LRRD1: variants seen among roughly 807,000 people sequenced by gnomAD.
LRRD1 encodes leucine rich repeats and death domain containing 1.
LRRD1 carries 49 observed loss-of-function variants against 69.5 expected under a neutral mutation model. The observed-to-expected ratio is 0.70, with a 90% CI of 0.56 to 0.89. LRRD1 has a LOEUF of 0.89. LRRD1 is among the 40% of genes least tolerant of loss of function. LRRD1 has a pLI of 0.00. For missense variants in LRRD1, 853 were observed against 956.0 expected (o/e 0.89, Z 1.42); for synonymous variants, 303 against 338.9 (o/e 0.89, Z 1.16).
chr7:92,177,328 T>C (rs916503896), intron 1 of LRRD1, among the ~76,000 whole-genome samples: 8 of 152,164 alleles, frequency 5.3e-5, no homozygotes, highest in African/African-American at 1.9e-4. Context: ...TGTTGAAGCA[T>C]TTTACATATT....
intron 5 of LRRD1, among the ~76,000 whole-genome samples, chr7:92,145,413 G>T (rs907977982): frequency 4.2e-5 from 6 of 144,418 alleles, no homozygotes; most frequent in Non-Finnish European, 7.6e-5. Flanking sequence ...TAATAAACCA[G>T]TATATTACTG....
chr7:92,145,433 TA>T (rs1820294678), intron 5 of LRRD1, among the ~76,000 whole-genome samples: 1 of 150,864 alleles, frequency 6.6e-6, no homozygotes, highest in Non-Finnish European at 1.5e-5. Flanking sequence ...GCTACTATAC[TA>T]TATGCTTTTT....
At chr7:92,169,996 G>C (rs1789013406) in intron 1 of LRRD1, among the ~76,000 whole-genome samples, 1 of 151,920 alleles carries the variant, frequency 6.6e-6, no homozygotes, top group African/African-American at 2.4e-5. Context: ...CTTGAGCCCA[G>C]GAGGTTGAGG....
At chr7:92,171,331 A>C (rs1246745773) in intron 1 of LRRD1, among the ~76,000 whole-genome samples, 1 of 152,108 alleles carries the variant, frequency 6.6e-6, no homozygotes, top group Non-Finnish European at 1.5e-5. Flanking sequence ...AATCAGAATC[A>C]AATAAGGAGA....
At chr7:92,163,175 T>C in intron 2 of LRRD1, 111 bp downstream of exon 2, 3 of 643,858 alleles carry the variant, frequency 4.7e-6, no homozygotes, top group Non-Finnish European at 6.9e-6. Context: ...AAACAAAATA[T>C]TTCAGCTCAA....
At chr7:92,145,474 C>T (rs1284753453) in intron 5 of LRRD1, among the ~76,000 whole-genome samples, 2 of 135,658 alleles carry the variant, frequency 1.5e-5, no homozygotes, top group South Asian at 2.4e-4. Flanking sequence ...CAGAGTCTTG[C>T]TGTCTCCCAG....
chr7:92,142,898 T>C, downstream of LRRD1: 1 of 343,980 alleles, frequency 2.9e-6, no homozygotes, highest in Non-Finnish European at 5.7e-6. Context: ...CAAGATTTAT[T>C]GCAAAGAGCG....
At chr7:92,145,855 G>C (rs1459170817) in intron 5 of LRRD1, among the ~76,000 whole-genome samples, 2 of 152,180 alleles carry the variant, frequency 1.3e-5, no homozygotes, top group Admixed American at 1.3e-4. Flanking sequence ...CTTGCCCAAG[G>C]TCACAAAGCC....
intron 3 of LRRD1, among the ~76,000 whole-genome samples, chr7:92,155,858 G>A (rs1405203687): frequency 6.6e-6 from 1 of 152,216 alleles, no homozygotes; most frequent in African/African-American, 2.4e-5. Flanking sequence ...TCCAGTGTTT[G>A]AGGGCAGGAA....
Position 92,163,435 on chromosome 7 carries a change from G to A in LRRD1, c.1768C>T (p.Gln590Ter), listed in dbSNP as rs1444315457. The A allele has an allele frequency of 6.5e-7, 1 of 1,545,684 alleles. No homozygotes were observed. Among genetic ancestry groups the A allele is most frequent in the African/African-American group, 1.4e-5 (1 of 72,580 alleles). The change falls in exon 2 of 6, where the codon CAA (glutamine) becomes TAA (stop). Residue 590 changes from glutamine to a stop codon, truncating the protein, a stop_gained. Coordinates refer to ENST00000458448, the MANE Select transcript of LRRD1 (RefSeq NM_001161528.2). LOFTEE classifies it high-confidence loss of function. Reference sequence around the variant, plus strand: ...ATGTCTGAAGAGATTTTCTGTAATTGGTTTTCCGAAAGATCAAGTACTTGC... The same window carrying A: ...ATGTCTGAAGAGATTTTCTGTAATTAGTTTTCCGAAAGATCAAGTACTTGC... ...NLQVLDLSEN[Q>*]LQKISSDICN...
chr7:92,172,795 C>G (rs1210990528), intron 1 of LRRD1, among the ~76,000 whole-genome samples: 1 of 152,070 alleles, frequency 6.6e-6, no homozygotes, highest in Non-Finnish European at 1.5e-5. Flanking sequence ...AATTCAATCT[C>G]TATCAAAATA....
downstream of LRRD1, among the ~76,000 whole-genome samples, chr7:92,144,577 A>G (rs1820264902): frequency 6.6e-6 from 1 of 150,402 alleles, no homozygotes; most frequent in Admixed American, 6.7e-5. Context: ...CAGTGAGCCA[A>G]GATCACACCA....
At chr7:92,155,771 CA>C (rs1389162543) in intron 3 of LRRD1, among the ~76,000 whole-genome samples, 1 of 152,192 alleles carries the variant, frequency 6.6e-6, no homozygotes, top group Non-Finnish European at 1.5e-5. Context: ...AGTCTGTGGC[CA>C]AAGGCCCAAA....
In LRRD1 at chr7:92,144,871, T is replaced by C. The variant is rs1820277087; in HGVS notation, c.*17A>G. Reference sequence around the variant, plus strand: ...AAGTGCATCAAAAGTTTTCAGTTTTTATTATTGATCCACTGGTTAGAATTT... The same window carrying C: ...AAGTGCATCAAAAGTTTTCAGTTTTCATTATTGATCCACTGGTTAGAATTT... On this transcript the variant is annotated 3_prime_UTR_variant, in exon 6 of 6. Coordinates refer to ENST00000458448, the MANE Select transcript of LRRD1 (RefSeq NM_001161528.2). 7.0e-7 allele frequency: 1 copy of C among 1,432,334 alleles called. No individual in the cohort carries two copies. The highest frequency in any genetic ancestry group is 2.6e-5 in the East Asian group (1 of 38,860). 88.7% of individuals were successfully genotyped at this position (1,432,334 alleles called of 1,614,324 possible). A position where few individuals can be genotyped will look rare whatever the true frequency, so the allele number is the denominator to read the frequency against.
chr7:92,144,848 G>T lies in LRRD1; in HGVS notation c.*40C>A. The T allele has an allele frequency of 8.2e-7, 1 of 1,216,382 alleles. No homozygotes were observed. The highest frequency in any genetic ancestry group is 1.1e-6 in the Non-Finnish European group (1 of 892,254). 75.3% of individuals were successfully genotyped at this position (1,216,382 alleles called of 1,614,324 possible). ...TTCACAAACACAGTTTCAATTATAA[G>T]TGCATCAAAAGTTTTCAGTTTTTAT... On this transcript the variant is annotated 3_prime_UTR_variant, in exon 6 of 6. Coordinates refer to ENST00000458448, the MANE Select transcript of LRRD1 (RefSeq NM_001161528.2).
chr7:92,167,411 A>G (rs940230259), intron 1 of LRRD1, among the ~76,000 whole-genome samples: 3 of 151,658 alleles, frequency 2.0e-5, no homozygotes, highest in African/African-American at 7.3e-5. Flanking sequence ...TAATTGCACT[A>G]TGATTATGAA....
downstream of LRRD1, among the ~76,000 whole-genome samples, chr7:92,143,169 G>C (rs1820211063): frequency 6.6e-6 from 1 of 152,146 alleles, no homozygotes. Flanking sequence ...CCCTGAGCTA[G>C]ACACAGGGTG....
At position 92,150,548 on chromosome 7, in the gene LRRD1, G is replaced by A; in HGVS notation, c.2264C>T (p.Ala755Val). The A allele has an allele frequency of 1.3e-6, 2 of 1,546,792 alleles. No homozygotes were observed. Among genetic ancestry groups the A allele is most frequent in the Non-Finnish European group, 1.7e-6 (2 of 1,144,604 alleles). The stretch of plus-strand genomic sequence containing the variant: ...TCATCACCTACCATCTCTTTCATCT[G>A]CCCTCTGTAGATAGCGTGCAATAGT... The part of the protein sequence containing the change: ...LYTIARYLQR[A>V]DERDEKILEK... Residue 755 changes from alanine (A) to valine (V), a missense_variant, in exon 4 of 6, where the codon GCA becomes GTA. Physicochemically the swap from Ala to Val is moderately conservative, Grantham distance 64. This residue lies in a region of LRRD1 where 739 missense variants were observed against 808.0 expected (regional missense o/e 0.91). Transcript: ENST00000458448.
Position 92,163,894 on chromosome 7 carries a change from TAC to T in LRRD1, c.1307_1308del (p.Cys436TyrfsTer5), listed in dbSNP as rs749791734. ...NRNNMVKITD[C>X]ISHLNNICSL... ...CTGCATATGTTATTAAGATGTGAGA[TAC>T]AGTCAGTTATTTTTACCATATTATT... On this transcript the variant is annotated frameshift_variant, in exon 2 of 6. Transcript: ENST00000458448. LOFTEE classifies it high-confidence loss of function. 25 of 1,529,902 alleles carry T rather than the reference TAC, an allele frequency of 1.6e-5. 1 individual carries two copies. The highest frequency in any genetic ancestry group is 1.6e-4 in the Admixed American group (7 of 45,054). The allele number at this position is 1,529,902 out of a possible 1,614,324, so 94.8% of individuals were successfully genotyped here. A position where few individuals can be genotyped will look rare whatever the true frequency, so the allele number is the denominator to read the frequency against.
Sources: gnomAD v4.1 joint callset for allele counts (sites outside exome capture counted in the v4.1 genomes callset) on GRCh38, gnomAD v4.1.1 for gene constraint, gnomAD v4.1.1 regional missense constraint, MANE v1.5 for transcripts, NCBI Gene and HGNC (gene_info 2026-07-23, HGNC 2026-07-21) for gene names.